The following ADAMTS6 variants were observed in gnomAD, a reference collection of about 807,000 sequenced individuals.
ADAMTS6 encodes ADAM metallopeptidase with thrombospondin type 1 motif 6.
A neutral mutation model predicts 144.3 loss-of-function variants in ADAMTS6; 23 were observed. The ratio of observed to expected loss-of-function variants is 0.16; its 90% CI spans 0.11 to 0.23. The LOEUF is 0.23. Ranked by LOEUF, ADAMTS6 falls within the 10% of genes least tolerant of loss-of-function variation. The probability of loss-of-function intolerance (pLI) is 1.00; values close to 1 mark genes in which losing one functional copy is unlikely to be tolerated. For missense variants in ADAMTS6, 999 were observed against 1,379.6 expected, an observed-to-expected ratio of 0.72 and a Z score of 4.37; for synonymous variants, 444 against 457.5, an observed-to-expected ratio of 0.97 and a Z score of 0.38.
intron 7 of ADAMTS6, among the ~76,000 whole-genome samples, chr5:65,351,202 G>A (rs1211385286): frequency 6.6e-6 from 1 of 152,124 alleles, no homozygotes. Context: ...ATCTACAAGA[G>A]GTGTTTAAGT....
intron 7 of ADAMTS6, among the ~76,000 whole-genome samples, chr5:65,377,591 T>C (rs1439752122): frequency 6.6e-6 from 1 of 152,204 alleles, no homozygotes; most frequent in East Asian, 1.9e-4. Context: ...TGTTAACACA[T>C]TGTTCACTCT....
At chr5:65,266,022 C>T (rs1331056368) in intron 12 of ADAMTS6, among the ~76,000 whole-genome samples, 3 of 150,850 alleles carry the variant, frequency 2.0e-5, no homozygotes, top group East Asian at 1.9e-4. Context: ...TGTAGATACA[C>T]GTTATTTCAG....
At chr5:65,241,131 C>T (rs567639962) in intron 15 of ADAMTS6, among the ~76,000 whole-genome samples, 1 of 150,162 alleles carries the variant, frequency 6.7e-6, no homozygotes, top group East Asian at 2.0e-4. Context: ...ATGGTAGAAT[C>T]TTGGTGGTAA....
intron 7 of ADAMTS6, among the ~76,000 whole-genome samples, chr5:65,343,756 G>A (rs1217020914): frequency 6.6e-6 from 1 of 151,946 alleles, no homozygotes; most frequent in Non-Finnish European, 1.5e-5. Flanking sequence ...AGAATACAAT[G>A]CCAACCTACA....
chr5:65,186,522 C>A (rs1249637267), intron 22 of ADAMTS6, among the ~76,000 whole-genome samples: 2 of 152,140 alleles, frequency 1.3e-5, no homozygotes, highest in African/African-American at 4.8e-5. Flanking sequence ...TTATGATTTT[C>A]CCATAACAAA....
In ADAMTS6 at chr5:65,449,902, G is replaced by T. The variant is rs1420526848; in HGVS notation, c.1073+1573C>A. Among the ~76,000 whole-genome samples the T allele has an allele frequency of 2.0e-5, 3 of 152,216 alleles. 1 individual carries two copies. The highest frequency in any genetic ancestry group is 3.4e-3 in the Middle Eastern group (1 of 294). ...TTGAGGCAAAAGGTAAAAATCCAATGGAGATATAATAATGCAAATGTGAAG... is the reference window on the plus strand; with the variant it reads ...TTGAGGCAAAAGGTAAAAATCCAATTGAGATATAATAATGCAAATGTGAAG... On this transcript the variant is annotated intron_variant, in intron 7 of 24. Transcript: ENST00000381055.
At chr5:65,392,914 G>A (rs7708972) in intron 7 of ADAMTS6, among the ~76,000 whole-genome samples, 84,424 of 151,896 alleles carry the variant, frequency 0.56, 24,601 homozygotes, top group African/African-American at 0.73. Flanking sequence ...TAACTTATCT[G>A]GAATCTCAAG....
In ADAMTS6 at chr5:65,173,016, TAAAAC is replaced by T. The variant is rs761162917; in HGVS notation, c.2911-13_2911-9del. The T allele has an allele frequency of 2.0e-5, 33 of 1,610,162 alleles. No homozygotes were observed. In the Middle Eastern group the frequency reaches 3.3e-3, roughly 162 times the overall value. Reference sequence around the variant, plus strand: ...ACCACATTTTGGAGTACACTGGAAATAAAACAAATAGTAATGAATCACGACAGTTT... The same window carrying T: ...ACCACATTTTGGAGTACACTGGAAATAAATAGTAATGAATCACGACAGTTT... On this transcript the variant is annotated splice_polypyrimidine_tract_variant and intron_variant, in intron 22 of 24. Coordinates refer to ENST00000381055, the MANE Select transcript of ADAMTS6 (RefSeq NM_197941.4).
At chr5:65,154,951 G>A (rs1752329214) in intron 24 of ADAMTS6, among the ~76,000 whole-genome samples, 1 of 152,188 alleles carries the variant, frequency 6.6e-6, no homozygotes, top group Non-Finnish European at 1.5e-5. Context: ...AGTGGGGAAA[G>A]ACCTGTGGGA....
At position 65,470,793 on chromosome 5, in the gene ADAMTS6, G is replaced by A; in HGVS notation, c.447C>T (p.Ser149=). Residue 149 remains serine, a synonymous_variant, in exon 3 of 25, where the codon AGC becomes AGT. Coordinates refer to ENST00000381055, the MANE Select transcript of ADAMTS6 (RefSeq NM_197941.4). ...ATCTACTTACCAACCCAACACAGTT[G>A]CTTAAAGCCACTTTAGTTGTACTAC... ...DQRSTTKVAL[S]NCVGLHGVIA... The A allele has an allele frequency of 1.3e-6, 2 of 1,589,048 alleles. No individual in the cohort carries two copies. Among genetic ancestry groups the A allele is most frequent in the Non-Finnish European group, 1.7e-6 (2 of 1,173,142 alleles).
At chr5:65,371,211 C>T (rs1298513862) in intron 7 of ADAMTS6, among the ~76,000 whole-genome samples, 2 of 152,184 alleles carry the variant, frequency 1.3e-5, no homozygotes, top group Non-Finnish European at 2.9e-5. Flanking sequence ...AAAAGCAGAG[C>T]ACCTCTCCTC....
At chr5:65,407,318 G>C (rs567598187) in intron 7 of ADAMTS6, among the ~76,000 whole-genome samples, 26 of 151,936 alleles carry the variant, frequency 1.7e-4, no homozygotes, top group Admixed American at 1.4e-3. Flanking sequence ...AGAAGAGAGT[G>C]GGGGGCCAAT....
intron 9 of ADAMTS6, among the ~76,000 whole-genome samples, chr5:65,300,548 T>C (rs1325496311): frequency 6.6e-6 from 1 of 152,230 alleles, no homozygotes; most frequent in Non-Finnish European, 1.5e-5. Flanking sequence ...CTCACTATGC[T>C]GAATCCAAAA....
At chr5:65,478,590 A>C (rs893807900) in intron 1 of ADAMTS6, among the ~76,000 whole-genome samples, 5 of 151,444 alleles carry the variant, frequency 3.3e-5, no homozygotes, top group Non-Finnish European at 7.4e-5. Context: ...TCCTTCCTTC[A>C]TTATCTAACA....
At chr5:65,392,512 A>C (rs1561494835) in intron 7 of ADAMTS6, among the ~76,000 whole-genome samples, 1 of 152,176 alleles carries the variant, frequency 6.6e-6, no homozygotes, top group Non-Finnish European at 1.5e-5. Flanking sequence ...AGTGATTTAC[A>C]AACTATTACT....
chr5:65,177,289 A>G (rs2112113245), intron 22 of ADAMTS6, among the ~76,000 whole-genome samples: 1 of 152,280 alleles, frequency 6.6e-6, no homozygotes. Flanking sequence ...CATCTATTCT[A>G]TTACTCTTTC....
At chr5:65,426,809 C>T (rs1418219355) in intron 7 of ADAMTS6, among the ~76,000 whole-genome samples, 1 of 151,592 alleles carries the variant, frequency 6.6e-6, no homozygotes, top group Non-Finnish European at 1.5e-5. Context: ...ACAGAAAGAA[C>T]TGAGAAGTTA....
chr5:65,296,484 G>A (rs1258931157), intron 10 of ADAMTS6, among the ~76,000 whole-genome samples: 1 of 152,152 alleles, frequency 6.6e-6, no homozygotes, highest in East Asian at 1.9e-4. Context: ...TATGGTTAGA[G>A]TAAGGTTACC....
chr5:65,415,739 A>G lies in ADAMTS6; in HGVS notation c.1073+35736T>C, dbSNP rs1290546547. 4 of 235,668 alleles carry G rather than the reference A, an allele frequency of 1.7e-5. 1 individual carries two copies. Among genetic ancestry groups the G allele is most frequent in the South Asian group, 9.7e-5 (2 of 20,598 alleles). The allele number at this position is 235,668 out of a possible 1,614,324, so 14.6% of individuals were successfully genotyped here. ...AAGGCATTTGTTGCCACTGGGGACTATAATGGCCAGGTAGGTCTGGGTGCT... is the reference window on the plus strand; with the variant it reads ...AAGGCATTTGTTGCCACTGGGGACTGTAATGGCCAGGTAGGTCTGGGTGCT... On this transcript the variant is annotated intron_variant, in intron 7 of 24. Coordinates refer to ENST00000381055, the MANE Select transcript of ADAMTS6 (RefSeq NM_197941.4).
Sources: allele counts gnomAD v4.1 joint callset (sites outside exome capture counted in the v4.1 genomes callset), GRCh38; gene constraint gnomAD v4.1.1; transcripts MANE v1.5; gene names NCBI Gene and HGNC (gene_info 2026-07-23, HGNC 2026-07-21).